Variants in UNC79 observed in about 807,000 individuals in gnomAD.
UNC79 encodes protein unc-79 homolog.
A neutral mutation model predicts 283.1 loss-of-function variants in UNC79; 37 were observed. The observed-to-expected ratio is 0.13, with a 90% CI of 0.10 to 0.17. UNC79 has a LOEUF of 0.17. Among genes scored for constraint, UNC79 ranks in the 10% least tolerant of loss-of-function variants. UNC79 has a pLI of 1.00. For synonymous variants in UNC79, 1,107 were observed against 1,200.2 expected (o/e 0.92, Z 1.61); for missense variants, 2,272 against 3,211.1 (o/e 0.71, Z 7.07).
chr14:93,354,723 A>G (rs2139922132), intron 1 of UNC79, among the ~76,000 whole-genome samples: 1 of 152,194 alleles, frequency 6.6e-6, no homozygotes, highest in Admixed American at 6.5e-5. Flanking sequence ...ACTGGTCTTG[A>G]TCTCCTGGGC....
intron 1 of UNC79, among the ~76,000 whole-genome samples, chr14:93,464,003 G>C (rs1230722716): frequency 6.6e-6 from 1 of 152,054 alleles, no homozygotes; most frequent in Non-Finnish European, 1.5e-5. Flanking sequence ...CAAAAAATTA[G>C]CCGGGCGTGG....
chr14:93,616,574 T>C (rs2066747120), intron 27 of UNC79, among the ~76,000 whole-genome samples: 1 of 152,142 alleles, frequency 6.6e-6, no homozygotes, highest in Admixed American at 6.5e-5. Flanking sequence ...TTCGCCGTGT[T>C]GCCTGAGCAT....
At chr14:93,362,692 A>G (rs970416341) in intron 1 of UNC79, among the ~76,000 whole-genome samples, 6 of 152,138 alleles carry the variant, frequency 3.9e-5, no homozygotes, top group African/African-American at 1.4e-4. Flanking sequence ...CAGGGTTCCA[A>G]TTTATTCCTG....
chr14:93,641,512 G>T (rs1051320233), intron 33 of UNC79, among the ~76,000 whole-genome samples: 2 of 152,096 alleles, frequency 1.3e-5, no homozygotes, highest in Non-Finnish European at 2.9e-5. Context: ...AATTAGCCAG[G>T]TATGATGGTG....
intron 1 of UNC79, among the ~76,000 whole-genome samples, chr14:93,456,469 C>A (rs2140193032): frequency 6.6e-6 from 1 of 152,016 alleles, no homozygotes; most frequent in South Asian, 2.1e-4. Flanking sequence ...AGCTTGGACA[C>A]CTTCTACCCT....
rs1459161763 is a variant in UNC79 at position 93,665,617 on chromosome 14, CAAGACAAAGAAAATA to C, written c.6636+2904_6636+2918del. Among the ~76,000 whole-genome samples, 19 of 151,084 alleles carry C rather than the reference CAAGACAAAGAAAATA, an allele frequency of 1.3e-4. No homozygotes were observed. The East Asian group carries it at 3.3e-3, about 26-fold the overall frequency. On this transcript the variant is annotated intron_variant, in intron 40 of 48. Coordinates refer to ENST00000555664, the Ensembl canonical transcript of UNC79. Reference sequence around the variant, plus strand: ...AGTAGGTATAACTTGTCAAAACAGTCAAGACAAAGAAAATATTTTCAGAAAAACCAAGGGAAAAGA... The same window carrying C: ...AGTAGGTATAACTTGTCAAAACAGTCTTTTCAGAAAAACCAAGGGAAAAGA...
At chr14:93,703,944 G>A (rs1220716645) in intron 47 of UNC79, among the ~76,000 whole-genome samples, 2 of 152,164 alleles carry the variant, frequency 1.3e-5, no homozygotes, top group African/African-American at 4.8e-5. Context: ...ACGGAGGAGG[G>A]CCCAAAGCAG....
chr14:93,586,825 T>C, exon 22 of UNC79: 2 of 1,614,084 alleles, frequency 1.2e-6, no homozygotes, highest in Non-Finnish European at 1.7e-6. Flanking sequence ...AGATTCTCTG[T>C]CTGCATGGAG....
intron 47 of UNC79, among the ~76,000 whole-genome samples, chr14:93,702,945 T>C (rs1290526822): frequency 2.0e-5 from 3 of 152,264 alleles, no homozygotes; most frequent in Admixed American, 6.5e-5. Flanking sequence ...GTGATCTGTC[T>C]GGAGCACTGT....
At chr14:93,446,114 T>G (rs1399178717) in intron 1 of UNC79, among the ~76,000 whole-genome samples, 1 of 152,170 alleles carries the variant, frequency 6.6e-6, no homozygotes, top group Non-Finnish European at 1.5e-5. Flanking sequence ...CCTATTTTAT[T>G]GATTTTTGTA....
At chr14:93,493,897 A>ATTT (rs1427126465) in intron 5 of UNC79, among the ~76,000 whole-genome samples, 18 of 57,588 alleles carry the variant, frequency 3.1e-4, no homozygotes, top group African/African-American at 5.5e-4. Context: ...ATATATATAT[A>ATTT]TATATTTTTT....
At chr14:93,590,605 C>G (rs2064593866) in intron 22 of UNC79, among the ~76,000 whole-genome samples, 1 of 152,146 alleles carries the variant, frequency 6.6e-6, no homozygotes, top group African/African-American at 2.4e-5. Context: ...ACCCACTCGG[C>G]CTTTAGGGTC....
In UNC79 at chr14:93,661,561, G is replaced by A. The variant is rs117296756; in HGVS notation, c.6526-1043G>A. Among the ~76,000 whole-genome samples, 502 of 152,256 alleles carry A rather than the reference G, an allele frequency of 3.3e-3. 2 individuals are homozygous for A. The highest frequency in any genetic ancestry group is 5.4e-3 in the Non-Finnish European group (368 of 68,020). ...AGAGCAATTCTACCTCTGGAAAATTGCCCTGGAACTTGGCTTTGAATTCTA... is the reference window on the plus strand; with the variant it reads ...AGAGCAATTCTACCTCTGGAAAATTACCCTGGAACTTGGCTTTGAATTCTA... On this transcript the variant is annotated intron_variant, in intron 39 of 48. Coordinates refer to ENST00000555664, the Ensembl canonical transcript of UNC79.
intron 14 of UNC79, among the ~76,000 whole-genome samples, chr14:93,561,639 G>A (rs1367282255): frequency 1.3e-5 from 2 of 152,004 alleles, no homozygotes; most frequent in Non-Finnish European, 2.9e-5. Flanking sequence ...GGTAGAGGGT[G>A]GCATAAGAAT....
At chr14:93,353,320 TG>T (rs1297961495) in intron 1 of UNC79, among the ~76,000 whole-genome samples, 1 of 152,166 alleles carries the variant, frequency 6.6e-6, no homozygotes, top group African/African-American at 2.4e-5. Context: ...TTTCCCACCT[TG>T]ACTTCCCAAA....
At chr14:93,575,166 A>G in exon 17 of UNC79, 1 of 1,614,074 alleles carries the variant, frequency 6.2e-7, no homozygotes, top group South Asian at 1.1e-5. Flanking sequence ...ATCAAGAGTC[A>G]GTGAACTGGC....
At chr14:93,403,941 G>T (rs1258847210) in intron 1 of UNC79, among the ~76,000 whole-genome samples, 2 of 150,860 alleles carry the variant, frequency 1.3e-5, no homozygotes, top group African/African-American at 4.9e-5. Context: ...TAACAGTGTG[G>T]GCAAAAAACA....
chr14:93,415,494 G>A (rs2055433022), intron 1 of UNC79, among the ~76,000 whole-genome samples: 2 of 152,014 alleles, frequency 1.3e-5, no homozygotes, highest in Admixed American at 1.3e-4. Context: ...TTTTGGTTGT[G>A]TCTCTGCCCG....
intron 1 of UNC79, among the ~76,000 whole-genome samples, chr14:93,408,262 A>G (rs2055266580): frequency 1.3e-5 from 2 of 152,254 alleles, no homozygotes; most frequent in African/African-American, 4.8e-5. Flanking sequence ...GAGAGATGGA[A>G]GCTCTAAAAG....
Sources: allele counts gnomAD v4.1 joint callset (sites outside exome capture counted in the v4.1 genomes callset), GRCh38; gene constraint gnomAD v4.1.1; transcripts MANE v1.5; gene names NCBI Gene and HGNC (gene_info 2026-07-23, HGNC 2026-07-21).